Variants in AIG1 observed in about 807,000 individuals in gnomAD.
The protein encoded by AIG1 is androgen-induced gene 1 protein.
A neutral mutation model predicts 31.4 loss-of-function variants in AIG1; 23 were observed. The observed-to-expected ratio is 0.73, with a 90% CI of 0.53 to 1.04. AIG1 has a LOEUF of 1.04. Ranked by LOEUF, AIG1 falls within the 50% of genes least tolerant of loss-of-function variation. The pLI is 0.00. For missense variants in AIG1, 274 were observed against 295.0 expected (o/e 0.93, Z 0.52); for synonymous variants, 100 against 110.5 (o/e 0.90, Z 0.60).
chr6:143,111,133 C>G (rs1781238094), intron 1 of AIG1, among the ~76,000 whole-genome samples: 1 of 152,174 alleles, frequency 6.6e-6, no homozygotes, highest in Non-Finnish European at 1.5e-5. Context: ...GTTAAAGTCT[C>G]TTGGAGTTCC....
At chr6:143,272,943 A>G (rs1424456224) in intron 3 of AIG1, among the ~76,000 whole-genome samples, 1 of 152,158 alleles carries the variant, frequency 6.6e-6, no homozygotes, top group East Asian at 1.9e-4. Flanking sequence ...AGCCTGGCCA[A>G]CATGGTGAAA....
chr6:143,324,819 TTAAAG>T (rs1776473491), intron 4 of AIG1, among the ~76,000 whole-genome samples: 2 of 152,262 alleles, frequency 1.3e-5, no homozygotes, highest in African/African-American at 2.4e-5. Context: ...TAAATCCTCT[TTAAAG>T]TAATCTCAAA....
rs553565768 is a variant in AIG1, at chr6:143,333,032, G to A, written c.516-250G>A. Among the ~76,000 whole-genome samples the A allele has an allele frequency of 3.3e-5, 5 of 152,198 alleles. No homozygotes were observed. The highest frequency in any genetic ancestry group is 7.3e-5 in the Non-Finnish European group (5 of 68,030). ...AGTCAATTGTCCCAGGATTATACAA[G>A]ATGTTAACATGAGGGGAAGCTGAGT... On this transcript the variant is annotated intron_variant, in intron 4 of 5. Coordinates refer to ENST00000357847, the MANE Select transcript of AIG1 (RefSeq NM_016108.4). The surrounding 1 kb of genome is among the most constrained non-coding windows in gnomAD (Gnocchi z 4.6).
chr6:143,074,993 A>G (rs1243814263), intron 1 of AIG1, among the ~76,000 whole-genome samples: 3 of 152,236 alleles, frequency 2.0e-5, no homozygotes, highest in Non-Finnish European at 4.4e-5. Context: ...GGAAAATTTT[A>G]TTCACAAATT....
chr6:143,307,662 C>A (rs1465202424), intron 4 of AIG1, among the ~76,000 whole-genome samples: 1 of 151,796 alleles, frequency 6.6e-6, no homozygotes, highest in Non-Finnish European at 1.5e-5. Context: ...CAGGGACCCA[C>A]TTGAGGAGGC....
At chr6:143,309,103 A>G (rs1414884477) in intron 4 of AIG1, among the ~76,000 whole-genome samples, 2 of 152,066 alleles carry the variant, frequency 1.3e-5, no homozygotes, top group African/African-American at 4.8e-5. Context: ...AAATCATGCA[A>G]GCAAGAGGGG....
intron 3 of AIG1, among the ~76,000 whole-genome samples, chr6:143,267,304 T>A (rs1796223822): frequency 6.6e-6 from 1 of 152,214 alleles, no homozygotes; most frequent in South Asian, 2.1e-4. Context: ...ATCCTAGCTT[T>A]TCCTAGTCAT....
At chr6:143,119,340 A>G (rs551991557) in intron 1 of AIG1, among the ~76,000 whole-genome samples, 1 of 152,158 alleles carries the variant, frequency 6.6e-6, no homozygotes, top group African/African-American at 2.4e-5. Flanking sequence ...TATTGTAATA[A>G]TTTTCAAAGT....
At chr6:143,222,692 TC>T (rs1479916090) in intron 3 of AIG1, among the ~76,000 whole-genome samples, 1 of 105,480 alleles carries the variant, frequency 9.5e-6, no homozygotes, top group African/African-American at 4.8e-5. Context: ...GCATTTTGTC[TC>T]CCCTTTCTCT....
intron 1 of AIG1, among the ~76,000 whole-genome samples, chr6:143,070,139 G>T (rs1777119190): frequency 1.3e-5 from 2 of 152,130 alleles, no homozygotes; most frequent in African/African-American, 4.8e-5. Context: ...TTCAAAATTT[G>T]TTTATGCTAT....
Position 143,334,049 on chromosome 6 carries a change from G to C in AIG1, c.679+604G>C. 7.7e-6 allele frequency: 12 copies of C among 1,549,858 alleles called. No individual in the cohort carries two copies. Among genetic ancestry groups the C allele is most frequent in the Non-Finnish European group, 1.0e-5 (12 of 1,146,656 alleles). ...GAAAAACTCTTTTAACCTGTGATTT[G>C]ATTTCTCTTTTGTTTCCATTTATGG... On this transcript the variant is annotated intron_variant, in intron 5 of 5. Coordinates refer to ENST00000357847, the MANE Select transcript of AIG1 (RefSeq NM_016108.4). The surrounding 1 kb of genome is among the most constrained non-coding windows in gnomAD (Gnocchi z 5.1).
chr6:143,113,870 G>T (rs1455106824), intron 1 of AIG1, among the ~76,000 whole-genome samples: 2 of 151,906 alleles, frequency 1.3e-5, no homozygotes, highest in Admixed American at 1.3e-4. Flanking sequence ...TGCCTCCCGG[G>T]TTCATGGCAT....
At chr6:143,125,555 G>A (rs759630632) in intron 1 of AIG1, among the ~76,000 whole-genome samples, 2 of 152,074 alleles carry the variant, frequency 1.3e-5, no homozygotes, top group Admixed American at 6.5e-5. Flanking sequence ...TGCTCCACCC[G>A]GGTAGCTGAG....
At chr6:143,186,168 G>A (rs979145938) in intron 3 of AIG1, among the ~76,000 whole-genome samples, 1 of 152,160 alleles carries the variant, frequency 6.6e-6, no homozygotes, top group Admixed American at 6.5e-5. Flanking sequence ...TGCCCTCTCT[G>A]TACCTGTCTC....
intron 3 of AIG1, among the ~76,000 whole-genome samples, chr6:143,169,977 A>G (rs567491563): frequency 6.6e-6 from 1 of 151,860 alleles, no homozygotes; most frequent in South Asian, 2.1e-4. Flanking sequence ...GTGCTGTTGG[A>G]TTTGGTTTGG....
intron 3 of AIG1, chr6:143,189,085 A>G (rs1456951515): frequency 1.1e-6 from 1 of 880,682 alleles, no homozygotes; most frequent in African/African-American, 1.8e-5. Flanking sequence ...TGTGTCATCC[A>G]GGCTGGAATA....
At chr6:143,190,687 A>G (rs1789713839) in intron 3 of AIG1, 1 of 817,692 alleles carries the variant, frequency 1.2e-6, no homozygotes, top group South Asian at 5.6e-5. Flanking sequence ...CCTGTATTCT[A>G]ACATGATGGG....
At chr6:143,207,915 C>A (rs1791253160) in intron 3 of AIG1, among the ~76,000 whole-genome samples, 1 of 152,046 alleles carries the variant, frequency 6.6e-6, no homozygotes. Flanking sequence ...AGAGTCATGT[C>A]TTTAATTTAG....
At chr6:143,154,272 A>G (rs1785512175) in intron 2 of AIG1, among the ~76,000 whole-genome samples, 1 of 152,194 alleles carries the variant, frequency 6.6e-6, no homozygotes, top group African/African-American at 2.4e-5. Context: ...ATGATTCTTA[A>G]AGAACATGTT....
Sources: gnomAD v4.1 joint callset for allele counts (sites outside exome capture counted in the v4.1 genomes callset) on GRCh38, gnomAD v4.1.1 for gene constraint, Gnocchi (gnomAD v3.1) non-coding constraint, MANE v1.5 for transcripts, NCBI Gene and HGNC (gene_info 2026-07-23, HGNC 2026-07-21) for gene names.